SEMA3C: variants seen among roughly 807,000 people sequenced by gnomAD.
SEMA3C encodes semaphorin-3C.
Under a neutral mutation model 89.4 loss-of-function variants are expected in SEMA3C, and 47 were observed. The observed-to-expected ratio is 0.53, with a 90% confidence interval of 0.42 to 0.67. The LOEUF (loss-of-function observed/expected upper bound fraction) is 0.67. SEMA3C is among the 30% of genes least tolerant of loss of function. The probability of loss-of-function intolerance (pLI) is 0.00; values close to 1 mark genes in which losing one functional copy is unlikely to be tolerated. For missense variants in SEMA3C, 839 were observed against 929.1 expected, an observed-to-expected ratio of 0.90 and a Z score of 1.26; for synonymous variants, 310 against 320.2, an observed-to-expected ratio of 0.97 and a Z score of 0.34.
intron 4 of SEMA3C, among the ~76,000 whole-genome samples, chr7:80,820,364 C>A: frequency 6.6e-6 from 1 of 151,828 alleles, no homozygotes; most frequent in Admixed American, 6.6e-5. Flanking sequence ...CTGGCCTCTC[C>A]TATTTTTTTA....
intron 5 of SEMA3C, among the ~76,000 whole-genome samples, chr7:80,813,113 CATTTTTAATTTCAATAAA>C (rs1789510083): frequency 6.6e-6 from 1 of 151,784 alleles, no homozygotes; most frequent in Non-Finnish European, 1.5e-5. Flanking sequence ...GGCCAGATTC[CATTTTTAATTTCAATAAA>C]TTTTTTAATT....
intron 2 of SEMA3C, among the ~76,000 whole-genome samples, chr7:80,890,513 A>C (rs1001730563): frequency 1.3e-5 from 2 of 152,184 alleles, no homozygotes; most frequent in African/African-American, 4.8e-5. Flanking sequence ...TCAAAAATGA[A>C]AGTTGCTTTT....
chr7:80,752,068 GT>G (rs1787948142), intron 15 of SEMA3C, among the ~76,000 whole-genome samples: 1 of 152,118 alleles, frequency 6.6e-6, no homozygotes, highest in African/African-American at 2.4e-5. Flanking sequence ...TAGAAAATAA[GT>G]TACAGATACA....
intron 2 of SEMA3C, among the ~76,000 whole-genome samples, chr7:80,880,699 CAGACCACTTGAGTTCA>C (rs1791314161): frequency 6.6e-6 from 1 of 152,134 alleles, no homozygotes; most frequent in Non-Finnish European, 1.5e-5. Flanking sequence ...CCAAGGCAGG[CAGACCACTTGAGTTCA>C]AGAGTTCCAG....
At chr7:80,796,151 C>T (rs993665790) in intron 11 of SEMA3C, among the ~76,000 whole-genome samples, 1 of 152,160 alleles carries the variant, frequency 6.6e-6, no homozygotes, top group Admixed American at 6.5e-5. Flanking sequence ...TGAAAGCACA[C>T]GTAATCACAA....
chr7:80,750,475 C>T (rs7807742), intron 16 of SEMA3C, among the ~76,000 whole-genome samples: 3,262 of 48,214 alleles, frequency 0.068, 51 homozygotes, highest in African/African-American at 0.1. Flanking sequence ...TATATATATA[C>T]ACACACACAC....
chr7:80,818,147 G>A, intron 5 of SEMA3C, 152 bp downstream of exon 5: 1 of 685,232 alleles, frequency 1.5e-6, no homozygotes, highest in East Asian at 2.9e-5. Flanking sequence ...CAAGTAACTT[G>A]GCAGACAGGA....
rs1236740612 is a variant in SEMA3C, at chr7:80,743,749, T to G, written c.*1145A>C. 6.6e-6 allele frequency: 1 copy of G among 151,980 alleles called. No individual in the cohort carries two copies. The allele number at this position is 151,980 out of a possible 1,614,324, so 9.4% of individuals were successfully genotyped here. ...AGAGACCAGTGAACGTATGTACCAT[T>G]ACCTTTTGAAAGACAGAATGTCTCC... On this transcript the variant is annotated 3_prime_UTR_variant, in exon 18 of 18. Coordinates refer to ENST00000265361, the MANE Select transcript of SEMA3C (RefSeq NM_006379.5).
rs1791695566 is a variant in SEMA3C, at chr7:80,894,830, G to GTAGAGAA, written c.103+21842_103+21848dup. ...CTCCATTTACTTCTTAAGTGGTTAG[G>GTAGAGAA]TAGAGAAGAGAGTGATGATGGGGGA... On this transcript the variant is annotated intron_variant, in intron 2 of 17. Coordinates refer to ENST00000265361, the MANE Select transcript of SEMA3C (RefSeq NM_006379.5). Among the ~76,000 whole-genome samples the GTAGAGAA allele has an allele frequency of 2.0e-5, 3 of 151,944 alleles. No individual in the cohort carries two copies. In the South Asian group the frequency reaches 6.2e-4, roughly 32 times the overall value.
chr7:80,864,267 TA>T (rs35662516), intron 2 of SEMA3C, among the ~76,000 whole-genome samples: 3,875 of 151,962 alleles, frequency 0.025, 135 homozygotes, highest in African/African-American at 0.084. Flanking sequence ...GGGTGAGGGA[TA>T]AAAGACTGCA....
At chr7:80,813,804 C>T (rs1789530584) in intron 5 of SEMA3C, among the ~76,000 whole-genome samples, 2 of 152,198 alleles carry the variant, frequency 1.3e-5, no homozygotes, top group Non-Finnish European at 2.9e-5. Flanking sequence ...GAATTACGTA[C>T]ATCCTCACCA....
chr7:80,816,445 T>C (rs1314398405), intron 5 of SEMA3C, among the ~76,000 whole-genome samples: 2 of 152,178 alleles, frequency 1.3e-5, no homozygotes, highest in Non-Finnish European at 2.9e-5. Context: ...ATCTTAGTGA[T>C]AGAGAAGAAT....
At chr7:80,814,091 C>CTT (rs543351408) in intron 5 of SEMA3C, among the ~76,000 whole-genome samples, 109 of 126,284 alleles carry the variant, frequency 8.6e-4, no homozygotes, top group Non-Finnish European at 1.4e-3. Flanking sequence ...TTTCTTTTTT[C>CTT]TTTTTTTTTT....
chr7:80,827,753 T>C (rs1789909870), intron 3 of SEMA3C, among the ~76,000 whole-genome samples: 1 of 152,154 alleles, frequency 6.6e-6, no homozygotes, highest in Non-Finnish European at 1.5e-5. Flanking sequence ...AATAAGATCA[T>C]TATTAACATA....
At chr7:80,865,014 T>C (rs7801763) in intron 2 of SEMA3C, among the ~76,000 whole-genome samples, 15,623 of 152,194 alleles carry the variant, frequency 0.1, 1,118 homozygotes, top group African/African-American at 0.19. Context: ...TTAAACGGTT[T>C]GTTTTATCAC....
chr7:80,766,975 A>G (rs1214743780), intron 12 of SEMA3C, among the ~76,000 whole-genome samples: 1 of 152,218 alleles, frequency 6.6e-6, no homozygotes, highest in Non-Finnish European at 1.5e-5. Context: ...ACCCCAAGGC[A>G]GGAATCAGGG....
At chr7:80,851,091 C>T (rs1277890456) in intron 2 of SEMA3C, among the ~76,000 whole-genome samples, 2 of 152,178 alleles carry the variant, frequency 1.3e-5, no homozygotes, top group Non-Finnish European at 2.9e-5. Context: ...GTCAGTTTCT[C>T]AGCCTCTCTC....
chr7:80,891,031 T>C (rs1406934053), intron 2 of SEMA3C, among the ~76,000 whole-genome samples: 1 of 152,176 alleles, frequency 6.6e-6, no homozygotes, highest in African/African-American at 2.4e-5. Flanking sequence ...CCATGTCTAA[T>C]TCCTCTGTAC....
At chr7:80,802,925 G>A (rs1789244048) in intron 8 of SEMA3C, 146 bp from the exon 9 acceptor site, 3 of 526,246 alleles carry the variant, frequency 5.7e-6, no homozygotes, top group Admixed American at 6.1e-5. Flanking sequence ...TGTCAAAGAG[G>A]AATATTTATG....
Sources: gnomAD v4.1 joint callset for allele counts (sites outside exome capture counted in the v4.1 genomes callset) on GRCh38, gnomAD v4.1.1 for gene constraint, MANE v1.5 for transcripts, NCBI Gene and HGNC (gene_info 2026-07-23, HGNC 2026-07-21) for gene names.